The following SYNE2 variants were observed in gnomAD, a reference collection of about 807,000 sequenced individuals.
The protein encoded by SYNE2 is nesprin-2.
In SYNE2, 431 loss-of-function variants were observed where a neutral mutation model predicts 856.3. That is an observed-to-expected ratio of 0.50 (90% CI 0.47 to 0.55). The LOEUF is 0.55. SYNE2 is among the 20% of genes least tolerant of loss of function. SYNE2 has a pLI of 0.00. For missense variants in SYNE2, 8,129 were observed against 8,023.2 expected, an observed-to-expected ratio of 1.01 and a Z score of -0.50; for synonymous variants, 2,923 against 2,872.3, an observed-to-expected ratio of 1.02 and a Z score of -0.56.
At chr14:63,852,420 G>A (rs1238469418), upstream of SYNE2, among the ~76,000 whole-genome samples, 3 of 152,140 alleles carry the variant, frequency 2.0e-5, no homozygotes, top group Non-Finnish European at 4.4e-5. Flanking sequence ...GGACGACTGA[G>A]ACAGCTCTCC....
intron 114 of SYNE2, 136 bp from the exon 115 acceptor site, chr14:64,224,863 T>G (rs1945315253): frequency 1.2e-6 from 1 of 816,300 alleles, no homozygotes; most frequent in African/African-American, 1.7e-5. Context: ...CTCAATTGTA[T>G]TACTCTAGTC....
intron 60 of SYNE2, among the ~76,000 whole-genome samples, chr14:64,092,885 A>T (rs1342510738): frequency 6.6e-6 from 1 of 152,104 alleles, no homozygotes; most frequent in Non-Finnish European, 1.5e-5. Context: ...GACCGGGAAA[A>T]CCCATCATCA....
intron 88 of SYNE2, 77 bp downstream of exon 88, chr14:64,162,353 G>T: frequency 1.4e-6 from 2 of 1,404,206 alleles, no homozygotes; most frequent in Non-Finnish European, 1.0e-6. Context: ...ATGACCTGGG[G>T]ACCAGACAGA....
At chr14:64,181,946 A>G (rs2098460074) in intron 96 of SYNE2, among the ~76,000 whole-genome samples, 1 of 152,142 alleles carries the variant, frequency 6.6e-6, no homozygotes, top group Admixed American at 6.5e-5. Flanking sequence ...GTATAAGTAA[A>G]ATTTTTCTCT....
chr14:64,206,342 C>G (rs2098605211), intron 100 of SYNE2, among the ~76,000 whole-genome samples: 1 of 152,172 alleles, frequency 6.6e-6, no homozygotes, highest in African/African-American at 2.4e-5. Context: ...AAACCTGATT[C>G]TTGTGCAGAC....
rs2096564224 is a variant in SYNE2 at position 63,978,793 on chromosome 14, AT to A, written c.1407-56del. On this transcript the variant is annotated intron_variant, in intron 13 of 115. Coordinates refer to ENST00000555002, the MANE Select transcript of SYNE2 (RefSeq NM_182914.3). Reference sequence around the variant, plus strand: ...CAATATTTTTTAAAATGCTGAACAGATTTCTCACATTTGGTCAATAATATTA... The same window carrying A: ...CAATATTTTTTAAAATGCTGAACAGATTCTCACATTTGGTCAATAATATTA... The A allele has an allele frequency of 7.6e-6, 11 of 1,447,342 alleles. No individual in the cohort carries two copies. The East Asian group carries it at 1.8e-4, about 24-fold the overall frequency. The allele number at this position is 1,447,342 out of a possible 1,614,324, so 89.7% of individuals were successfully genotyped here. A position where few individuals can be genotyped will look rare whatever the true frequency, so the allele number is the denominator to read the frequency against.
At chr14:64,186,064 G>C (rs1198433143) in intron 96 of SYNE2, among the ~76,000 whole-genome samples, 1 of 151,980 alleles carries the variant, frequency 6.6e-6, no homozygotes, top group Non-Finnish European at 1.5e-5. Flanking sequence ...GTAGTTTCAG[G>C]ATTAAAAATT....
At chr14:63,846,703 T>TCTCCTGCCTCAGC (rs1279696751) in intron 1 of SYNE2, among the ~76,000 whole-genome samples, 1 of 151,894 alleles carries the variant, frequency 6.6e-6, no homozygotes, top group African/African-American at 2.4e-5. Flanking sequence ...TCCAGGTGAT[T>TCTCCTGCCTCAGC]CTCCTGCCTC....
chr14:64,007,033 C>G lies in SYNE2; in HGVS notation c.4398-10C>G. On this transcript the variant is annotated splice_polypyrimidine_tract_variant and intron_variant, in intron 30 of 115. Transcript: ENST00000555002. ...TTGGCTATCAAACTTTTTTCTCATTCATAATCAAGGAAAAAATCATTAATC... is the reference window on the plus strand; with the variant it reads ...TTGGCTATCAAACTTTTTTCTCATTGATAATCAAGGAAAAAATCATTAATC... 2 of 1,608,714 alleles carry G rather than the reference C, an allele frequency of 1.2e-6. No individual in the cohort carries two copies. The highest frequency in any genetic ancestry group is 1.7e-6 in the Non-Finnish European group (2 of 1,176,208).
chr14:64,192,273 G>A (rs900701644), intron 99 of SYNE2, among the ~76,000 whole-genome samples: 3 of 152,084 alleles, frequency 2.0e-5, no homozygotes, highest in African/African-American at 4.8e-5. Context: ...CTTTGTGGTC[G>A]CCTTTATAGC....
At chr14:63,805,520 T>C (rs1047843639) in intron 1 of SYNE2, among the ~76,000 whole-genome samples, 2 of 152,170 alleles carry the variant, frequency 1.3e-5, no homozygotes, top group East Asian at 1.9e-4. Flanking sequence ...TCCGAGTAGC[T>C]GGGACTACAG....
At position 64,069,174 on chromosome 14, in the gene SYNE2, C is replaced by A. The variant is rs1244403379; in HGVS notation, c.10432-1471C>A. Among the ~76,000 whole-genome samples, 3 of 152,186 alleles carry A rather than the reference C, an allele frequency of 2.0e-5. No homozygotes were observed. In the East Asian group the frequency reaches 5.8e-4, roughly 29 times the overall value. On this transcript the variant is annotated intron_variant, in intron 51 of 115. Coordinates refer to ENST00000555002, the MANE Select transcript of SYNE2 (RefSeq NM_182914.3). ...AGGTGCCCCATTAAATCCTGGATTA[C>A]AGACACAGTTTTTTCAACCCTGATG...
At chr14:63,967,619 A>G in intron 10 of SYNE2, 90 bp from the exon 11 acceptor site, 3 of 1,378,100 alleles carry the variant, frequency 2.2e-6, no homozygotes, top group African/African-American at 1.5e-5. Context: ...ACTTAAATAT[A>G]TCCTATACCT....
chr14:63,879,599 G>C (rs958670733), intron 1 of SYNE2, among the ~76,000 whole-genome samples: 5 of 152,228 alleles, frequency 3.3e-5, no homozygotes, highest in African/African-American at 1.2e-4. Flanking sequence ...GCACAGATAG[G>C]AAAGAGAGAG....
At chr14:64,091,160 G>T (rs931990061) in intron 60 of SYNE2, 112 bp downstream of exon 60, 3 of 988,954 alleles carry the variant, frequency 3.0e-6, no homozygotes, top group Non-Finnish European at 4.6e-6. Context: ...GTAGGAGGTG[G>T]CATTTGATAT....
chr14:63,824,861 C>T (rs1464363811), intron 1 of SYNE2, among the ~76,000 whole-genome samples: 2 of 151,808 alleles, frequency 1.3e-5, no homozygotes, highest in Non-Finnish European at 2.9e-5. Flanking sequence ...GATGCCTGGG[C>T]GCAGACTCAC....
chr14:63,834,380 A>G (rs1384548484), intron 1 of SYNE2, among the ~76,000 whole-genome samples: 1 of 152,156 alleles, frequency 6.6e-6, no homozygotes, highest in Admixed American at 6.6e-5. Context: ...ATTTAAAAAA[A>G]GAAAAGAAAA....
chr14:63,942,450 T>C (rs2884111), intron 6 of SYNE2, among the ~76,000 whole-genome samples: 102,909 of 151,874 alleles, frequency 0.68, 35,103 homozygotes, highest in South Asian at 0.76. Context: ...TCCTGAGTGG[T>C]TGGGACTACA....
At chr14:63,989,607 G>A (rs571193490) in intron 19 of SYNE2, among the ~76,000 whole-genome samples, 1 of 151,984 alleles carries the variant, frequency 6.6e-6, no homozygotes, top group East Asian at 1.9e-4. Context: ...CAAAGTGCTG[G>A]TATTACAGGC....
Sources: gnomAD v4.1 joint callset for allele counts (sites outside exome capture counted in the v4.1 genomes callset) on GRCh38, gnomAD v4.1.1 for gene constraint, MANE v1.5 for transcripts, NCBI Gene and HGNC (gene_info 2026-07-23, HGNC 2026-07-21) for gene names.